ALDH1A2: variants seen among roughly 807,000 people sequenced by gnomAD.
ALDH1A2 encodes the protein aldehyde dehydrogenase 1 family member A2.
ALDH1A2 carries 27 observed loss-of-function variants against 60.3 expected under a neutral mutation model. The observed-to-expected ratio is 0.45, with a 90% CI of 0.33 to 0.62. The LOEUF (loss-of-function observed/expected upper bound fraction) is 0.62, where lower values mean the gene tolerates loss of function less well. Ranked by LOEUF, ALDH1A2 falls within the 20% of genes least tolerant of loss-of-function variation. ALDH1A2 has a pLI of 0.02. For missense variants in ALDH1A2, 581 were observed against 643.8 expected (o/e 0.90, Z 1.06); for synonymous variants, 289 against 232.4 (o/e 1.24, Z -2.21).
Position 58,057,993 on chromosome 15 carries a change from T to C in ALDH1A2, c.117+7541A>G, listed in dbSNP as rs779469780. On this transcript the variant is annotated intron_variant, in intron 1 of 12. Transcript: ENST00000249750. Reference sequence around the variant, plus strand: ...AATTATATTATCAAACTGTAAAACATAGATGAGGCAGAATTCACCAGTTTC... The same window carrying C: ...AATTATATTATCAAACTGTAAAACACAGATGAGGCAGAATTCACCAGTTTC... The C allele has an allele frequency of 4.9e-5, 64 of 1,301,812 alleles. 1 individual carries two copies. The highest frequency in any genetic ancestry group is 3.4e-4 in the Admixed American group (16 of 47,200). The allele number at this position is 1,301,812 out of a possible 1,614,324, so 80.6% of individuals were successfully genotyped here.
At chr15:57,988,116 T>A (rs1403434195) in intron 7 of ALDH1A2, among the ~76,000 whole-genome samples, 2 of 152,092 alleles carry the variant, frequency 1.3e-5, no homozygotes, top group African/African-American at 2.4e-5. Context: ...AAAAAACAAA[T>A]TTTAAAACAA....
At chr15:57,989,434 G>C (rs1316569636) in intron 7 of ALDH1A2, among the ~76,000 whole-genome samples, 1 of 152,108 alleles carries the variant, frequency 6.6e-6, no homozygotes, top group Non-Finnish European at 1.5e-5. Context: ...AAATCGGTTT[G>C]AAATTTCTTC....
At position 57,994,667 on chromosome 15, in the gene ALDH1A2, A is replaced by G. The variant is rs552430905; in HGVS notation, c.555+411T>C. Among the ~76,000 whole-genome samples, 7 of 152,292 alleles carry G rather than the reference A, an allele frequency of 4.6e-5. No individual in the cohort carries two copies. The South Asian group carries it at 1.4e-3, about 32-fold the overall frequency. On this transcript the variant is annotated intron_variant, in intron 5 of 12. Coordinates refer to ENST00000249750, the MANE Select transcript of ALDH1A2 (RefSeq NM_003888.4). ...AGCATCTTCTATCTAGATTCTTGAG[A>G]AAAGAAACAGTGGGAAAGAATGGGA...
chr15:58,002,998 C>T (rs746617090), intron 4 of ALDH1A2, among the ~76,000 whole-genome samples: 1 of 151,868 alleles, frequency 6.6e-6, no homozygotes, highest in Non-Finnish European at 1.5e-5. Context: ...TGTACTGATG[C>T]TTTTCTTCCC....
chr15:58,034,495 T>C (rs138698423), intron 1 of ALDH1A2, among the ~76,000 whole-genome samples: 2 of 151,846 alleles, frequency 1.3e-5, no homozygotes, highest in East Asian at 3.9e-4. Flanking sequence ...ACTTCTAGTA[T>C]AATCTTGAAT....
At chr15:57,983,896 T>G (rs541843396) in intron 7 of ALDH1A2, among the ~76,000 whole-genome samples, 1 of 152,322 alleles carries the variant, frequency 6.6e-6, no homozygotes, top group South Asian at 2.1e-4. Flanking sequence ...TATCAGACAG[T>G]GTCAAATGGA....
At chr15:57,956,121 T>C (rs1408538623) in intron 12 of ALDH1A2, among the ~76,000 whole-genome samples, 6 of 152,022 alleles carry the variant, frequency 3.9e-5, no homozygotes, top group Admixed American at 3.9e-4. Flanking sequence ...ATCCTACTGA[T>C]TTTTCTTTTT....
chr15:58,016,008 G>T (rs1436903594), intron 1 of ALDH1A2, among the ~76,000 whole-genome samples: 1 of 152,112 alleles, frequency 6.6e-6, no homozygotes, highest in East Asian at 1.9e-4. Context: ...TTTCATTAAG[G>T]ATCCACTTCT....
chr15:58,010,826 C>T (rs369285715), intron 3 of ALDH1A2, 48 bp from the exon 4 acceptor site: 49 of 1,606,378 alleles, frequency 3.1e-5, no homozygotes, highest in Middle Eastern at 3.6e-4. Flanking sequence ...AACTTTCCAG[C>T]GATACACTAA....
chr15:58,015,774 G>C (rs1595668632), intron 1 of ALDH1A2, among the ~76,000 whole-genome samples: 1 of 152,190 alleles, frequency 6.6e-6, no homozygotes, highest in Non-Finnish European at 1.5e-5. Flanking sequence ...TCAACAATGT[G>C]TTCTTTCCAA....
intron 7 of ALDH1A2, among the ~76,000 whole-genome samples, chr15:57,987,141 G>T (rs1337913158): frequency 6.6e-6 from 1 of 151,912 alleles, no homozygotes; most frequent in African/African-American, 2.4e-5. Context: ...TACCTAGCCG[G>T]AAGCACAAAG....
At chr15:57,976,907 A>AATC (rs1894278039) in intron 7 of ALDH1A2, among the ~76,000 whole-genome samples, 2 of 151,972 alleles carry the variant, frequency 1.3e-5, no homozygotes, top group Non-Finnish European at 2.9e-5. Flanking sequence ...TATTTCTCCA[A>AATC]ATCCTCTCCA....
chr15:58,059,708 G>A (rs1207297824), intron 1 of ALDH1A2, among the ~76,000 whole-genome samples: 2 of 152,072 alleles, frequency 1.3e-5, no homozygotes, highest in South Asian at 2.1e-4. Flanking sequence ...TTAAAATACT[G>A]TCAGAGAAAA....
chr15:57,989,436 AATTTCTTCT>A (rs1218442650), intron 7 of ALDH1A2, among the ~76,000 whole-genome samples: 3 of 152,210 alleles, frequency 2.0e-5, no homozygotes, highest in Non-Finnish European at 2.9e-5. Flanking sequence ...ATCGGTTTGA[AATTTCTTCT>A]AAAAGAATAA....
At chr15:57,977,617 C>A (rs1469596477) in intron 7 of ALDH1A2, among the ~76,000 whole-genome samples, 1 of 152,156 alleles carries the variant, frequency 6.6e-6, no homozygotes, top group East Asian at 1.9e-4. Flanking sequence ...GTTACTGTAA[C>A]CTTGTAGTAA....
At chr15:57,982,591 G>A (rs1372558482) in intron 7 of ALDH1A2, among the ~76,000 whole-genome samples, 1 of 152,126 alleles carries the variant, frequency 6.6e-6, no homozygotes, top group African/African-American at 2.4e-5. Flanking sequence ...CTAAAGTAAC[G>A]TTAAACTTTA....
intron 7 of ALDH1A2, chr15:57,979,866 C>T: frequency 3.1e-6 from 1 of 324,862 alleles, no homozygotes; most frequent in East Asian, 8.2e-5. Flanking sequence ...GGCCAAAGAC[C>T]TGGCTACTAT....
intron 1 of ALDH1A2, among the ~76,000 whole-genome samples, chr15:58,049,771 G>A (rs1896729464): frequency 6.6e-6 from 1 of 152,124 alleles, no homozygotes; most frequent in African/African-American, 2.4e-5. Flanking sequence ...GGTCTGAACA[G>A]CGGTGTGGGA....
chr15:58,062,226 A>T (rs548559659), intron 1 of ALDH1A2, among the ~76,000 whole-genome samples: 1 of 152,122 alleles, frequency 6.6e-6, no homozygotes, highest in African/African-American at 2.4e-5. Context: ...AAAAAAAAAC[A>T]TAACTCTTTG....
Sources: allele counts gnomAD v4.1 joint callset (sites outside exome capture counted in the v4.1 genomes callset), GRCh38; gene constraint gnomAD v4.1.1; transcripts MANE v1.5; gene names NCBI Gene and HGNC (gene_info 2026-07-23, HGNC 2026-07-21).